The following LUZP2 variants were observed in gnomAD, a reference collection of about 807,000 sequenced individuals.
LUZP2 encodes leucine zipper protein 2.
LUZP2 carries 52 observed loss-of-function variants against 51.6 expected under a neutral mutation model. That is an observed-to-expected ratio of 1.01 (90% CI 0.81 to 1.27). The LOEUF (loss-of-function observed/expected upper bound fraction) is 1.27. Ranked by LOEUF, LUZP2 falls within the 50% of genes most tolerant of loss-of-function variation. The pLI is 0.00. For missense variants in LUZP2, 436 were observed against 395.4 expected (o/e 1.10, Z -0.87); for synonymous variants, 154 against 137.3 (o/e 1.12, Z -0.85).
In LUZP2 at chr11:24,888,693, C is replaced by T. The variant is rs973470289; in HGVS notation, c.397-17298C>T. On this transcript the variant is annotated intron_variant, in intron 5 of 11. Transcript: ENST00000336930. ...CATTTGATATTGTTAGGCTTTGTGT[C>T]CCCCCACAAATCTCATCTTGAATTG... is the stretch of plus-strand genomic sequence containing the variant. Among the ~76,000 whole-genome samples the T allele has an allele frequency of 5.9e-5, 9 of 152,128 alleles. No homozygotes were observed. In the South Asian group the frequency reaches 1.5e-3, roughly 25 times the overall value.
chr11:24,967,614 A>G (rs1565171313), intron 7 of LUZP2, among the ~76,000 whole-genome samples: 2 of 151,886 alleles, frequency 1.3e-5, no homozygotes, highest in East Asian at 1.9e-4. Flanking sequence ...AATCATTTCT[A>G]TTAGTATCAC....
At chr11:24,865,935 G>T (rs1851880191) in intron 5 of LUZP2, among the ~76,000 whole-genome samples, 1 of 151,564 alleles carries the variant, frequency 6.6e-6, no homozygotes, top group African/African-American at 2.4e-5. Context: ...TCAGCCTCTG[G>T]AGTAGCTAGG....
chr11:25,013,450 T>G (rs1405414041), intron 9 of LUZP2, among the ~76,000 whole-genome samples: 1 of 152,154 alleles, frequency 6.6e-6, no homozygotes, highest in Non-Finnish European at 1.5e-5. Context: ...TTAATTAGTT[T>G]AAAAAGCAGG....
chr11:24,746,046 G>A (rs543828447), intron 4 of LUZP2, among the ~76,000 whole-genome samples: 6 of 152,236 alleles, frequency 3.9e-5, no homozygotes, highest in East Asian at 1.9e-4. Context: ...ATCAATGTTC[G>A]TACTGAGATG....
At chr11:24,728,131 G>A (rs1010440754) in intron 1 of LUZP2, among the ~76,000 whole-genome samples, 19 of 152,014 alleles carry the variant, frequency 1.2e-4, no homozygotes, top group Admixed American at 6.6e-4. Flanking sequence ...AATTTGAGCC[G>A]TTTTCCCACA....
intron 1 of LUZP2, among the ~76,000 whole-genome samples, chr11:24,550,309 A>G (rs992195428): frequency 7.9e-5 from 12 of 152,144 alleles, no homozygotes; most frequent in African/African-American, 2.7e-4. Flanking sequence ...TTTGTCTTTT[A>G]ACATTGTATC....
intron 5 of LUZP2, among the ~76,000 whole-genome samples, chr11:24,828,083 A>C (rs1397735334): frequency 6.6e-6 from 1 of 152,136 alleles, no homozygotes; most frequent in African/African-American, 2.4e-5. Context: ...ACACACGCAC[A>C]AAAGAATTAA....
chr11:24,852,700 G>A (rs1458423737), intron 5 of LUZP2, among the ~76,000 whole-genome samples: 2 of 151,102 alleles, frequency 1.3e-5, no homozygotes, highest in Non-Finnish European at 3.0e-5. Context: ...TTATTGTGTG[G>A]GAGTCTAAGT....
At chr11:24,932,935 C>A (rs769252105) in intron 7 of LUZP2, among the ~76,000 whole-genome samples, 1 of 152,156 alleles carries the variant, frequency 6.6e-6, no homozygotes, top group African/African-American at 2.4e-5. Flanking sequence ...CCCAAGGACC[C>A]CTGTGAGACC....
intron 5 of LUZP2, among the ~76,000 whole-genome samples, chr11:24,839,033 A>T (rs534605532): frequency 4.2e-4 from 63 of 151,746 alleles, no homozygotes; most frequent in African/African-American, 1.5e-3. Context: ...TAACAGCCAT[A>T]TGAGATGGTT....
At chr11:24,552,946 A>G (rs1243843537) in intron 1 of LUZP2, among the ~76,000 whole-genome samples, 1 of 151,134 alleles carries the variant, frequency 6.6e-6, no homozygotes, top group East Asian at 1.9e-4. Context: ...AAAATGAAGG[A>G]AAATATTTTA....
intron 1 of LUZP2, among the ~76,000 whole-genome samples, chr11:24,558,400 A>T (rs1009465656): frequency 6.6e-6 from 1 of 151,360 alleles, no homozygotes; most frequent in Non-Finnish European, 1.5e-5. Flanking sequence ...ATATATCTCT[A>T]TATATAGCCT....
intron 1 of LUZP2, among the ~76,000 whole-genome samples, chr11:24,526,457 CTT>C (rs3077900): frequency 2.8e-3 from 410 of 147,510 alleles, no homozygotes; most frequent in East Asian, 3.6e-3. Context: ...ACTCTCTACT[CTT>C]TTTTTTTTTT....
chr11:24,677,821 G>A (rs1189254197), intron 1 of LUZP2, among the ~76,000 whole-genome samples: 12 of 152,018 alleles, frequency 7.9e-5, no homozygotes, highest in Non-Finnish European at 1.5e-4. Context: ...AGGCCGAGGC[G>A]GGCCGATCAC....
At chr11:24,947,675 C>A (rs1046768969) in intron 7 of LUZP2, among the ~76,000 whole-genome samples, 2 of 151,800 alleles carry the variant, frequency 1.3e-5, no homozygotes, top group African/African-American at 4.8e-5. Flanking sequence ...AGTGTTTGTT[C>A]ATCTGGTAAT....
At chr11:24,922,495 G>A (rs1046608158) in intron 7 of LUZP2, among the ~76,000 whole-genome samples, 8 of 152,106 alleles carry the variant, frequency 5.3e-5, no homozygotes, top group African/African-American at 1.9e-4. Context: ...TTAAACTTAT[G>A]TCATCCACAT....
At chr11:24,778,883 A>C (rs2134069693) in intron 5 of LUZP2, among the ~76,000 whole-genome samples, 1 of 152,320 alleles carries the variant, frequency 6.6e-6, no homozygotes, top group Non-Finnish European at 1.5e-5. Flanking sequence ...CTGTAGAGAC[A>C]ATAGCACACC....
At chr11:24,541,546 T>C (rs965586374) in intron 1 of LUZP2, among the ~76,000 whole-genome samples, 1 of 152,070 alleles carries the variant, frequency 6.6e-6, no homozygotes, top group Middle Eastern at 3.2e-3. Flanking sequence ...AGTCTAACCT[T>C]TAGATTTAAT....
intron 9 of LUZP2, among the ~76,000 whole-genome samples, chr11:25,032,582 T>C (rs1857721615): frequency 6.6e-6 from 1 of 152,146 alleles, no homozygotes; most frequent in Non-Finnish European, 1.5e-5. Flanking sequence ...TTCATGCCCT[T>C]AGAATCATGG....
Sources: allele counts gnomAD v4.1 joint callset (sites outside exome capture counted in the v4.1 genomes callset), GRCh38; gene constraint gnomAD v4.1.1; transcripts MANE v1.5; gene names NCBI Gene and HGNC (gene_info 2026-07-23, HGNC 2026-07-21).